The following CCDC85A variants were observed in gnomAD, a reference collection of about 807,000 sequenced individuals.
CCDC85A encodes the protein coiled-coil domain-containing protein 85A.
A neutral mutation model predicts 50.2 loss-of-function variants in CCDC85A; 38 were observed. That is an observed-to-expected ratio of 0.76 (90% confidence interval 0.58 to 0.99). The LOEUF is 0.99. Among genes scored for constraint, CCDC85A ranks in the 50% least tolerant of loss-of-function variants. The pLI, the probability that CCDC85A is intolerant of heterozygous loss-of-function variation, is 0.00. For synonymous variants in CCDC85A, 366 were observed against 301.4 expected, an observed-to-expected ratio of 1.21 and a Z score of -2.22; for missense variants, 820 against 742.0, an observed-to-expected ratio of 1.11 and a Z score of -1.22.
intron 2 of CCDC85A, among the ~76,000 whole-genome samples, chr2:56,300,413 T>G (rs1672147624): frequency 6.6e-6 from 1 of 152,200 alleles, no homozygotes; most frequent in Non-Finnish European, 1.5e-5. Flanking sequence ...TGTTGGTAAG[T>G]TGACTTAGAT....
chr2:56,232,493 G>C (rs1252014863), intron 2 of CCDC85A, among the ~76,000 whole-genome samples: 2 of 152,078 alleles, frequency 1.3e-5, no homozygotes, highest in African/African-American at 4.8e-5. Flanking sequence ...AGTTTCCTCT[G>C]TGCTGTTCTT....
At chr2:56,229,649 T>C (rs1357283986) in intron 2 of CCDC85A, among the ~76,000 whole-genome samples, 1 of 152,018 alleles carries the variant, frequency 6.6e-6, no homozygotes, top group East Asian at 1.9e-4. Flanking sequence ...TGGCCATAAT[T>C]TTTTTTTGTT....
chr2:56,233,367 G>A (rs1349780309), intron 2 of CCDC85A, among the ~76,000 whole-genome samples: 3 of 152,180 alleles, frequency 2.0e-5, no homozygotes, highest in African/African-American at 4.8e-5. Context: ...CTCATCCTTT[G>A]AAGAATAGCA....
At chr2:56,305,450 G>A (rs1189755358) in intron 2 of CCDC85A, among the ~76,000 whole-genome samples, 1 of 152,188 alleles carries the variant, frequency 6.6e-6, no homozygotes, top group East Asian at 1.9e-4. Flanking sequence ...GGCAGTCTTT[G>A]GTTCCTGTGC....
chr2:56,352,023 T>C (rs1206215889), intron 3 of CCDC85A, among the ~76,000 whole-genome samples: 1 of 152,162 alleles, frequency 6.6e-6, no homozygotes, highest in Admixed American at 6.5e-5. Context: ...TTGAATTAAT[T>C]TTTGTATAAG....
At chr2:56,321,029 A>G (rs1300762857) in intron 2 of CCDC85A, among the ~76,000 whole-genome samples, 1 of 152,178 alleles carries the variant, frequency 6.6e-6, no homozygotes, top group East Asian at 1.9e-4. Context: ...AACAGAACCA[A>G]AGACAAAAAC....
rs555626232 is a variant in CCDC85A at position 56,368,830 on chromosome 2, A to G, written c.1318-3514A>G. 7.0e-4 allele frequency among the ~76,000 whole-genome samples: 106 copies of G among 152,102 alleles called. No homozygotes were observed. The South Asian group carries it at 0.012, about 17-fold the overall frequency. On this transcript the variant is annotated intron_variant, in intron 3 of 5. Coordinates refer to ENST00000407595, the MANE Select transcript of CCDC85A (RefSeq NM_001080433.2). ...CATATATATTTTTATATATACACAT[A>G]CATATGTACATATATGTATATGTAT...
At chr2:56,299,485 C>T (rs1672105743) in intron 2 of CCDC85A, among the ~76,000 whole-genome samples, 1 of 152,116 alleles carries the variant, frequency 6.6e-6, no homozygotes, top group Non-Finnish European at 1.5e-5. Flanking sequence ...GCACTCTGTT[C>T]TGGAGCCCAG....
Position 56,193,148 on chromosome 2 carries a change from C to A in CCDC85A, c.948C>A (p.His316Gln). The change falls in exon 2 of 6, where the codon CAC becomes CAA. Residue 316 changes from histidine (H) to glutamine (Q), a missense_variant. By Grantham distance (24) the His-to-Gln change is conservative. Transcript: ENST00000407595. ...ACGTGCTGAGTGGGAGCCCGGAACA[C>A]TTCCAGAAGCACCGGTCAGGGAGCA... The part of the protein sequence containing the change: ...PKHVLSGSPE[H>Q]FQKHRSGSSP... 1 of 1,612,484 alleles carries A rather than the reference C, an allele frequency of 6.2e-7. No individual in the cohort carries two copies. Among genetic ancestry groups the A allele is most frequent in the South Asian group, 1.1e-5 (1 of 90,982 alleles).
At chr2:56,202,815 G>T (rs938114430) in intron 2 of CCDC85A, among the ~76,000 whole-genome samples, 3 of 152,170 alleles carry the variant, frequency 2.0e-5, no homozygotes, top group Non-Finnish European at 2.9e-5. Context: ...CATTAATTCA[G>T]CATCTCTTCT....
chr2:56,205,407 A>G (rs2103862419), intron 2 of CCDC85A, among the ~76,000 whole-genome samples: 1 of 144,380 alleles, frequency 6.9e-6, no homozygotes, highest in East Asian at 2.0e-4. Flanking sequence ...CTTCAGAGAA[A>G]TGGAGAAGGT....
chr2:56,201,918 C>T lies in CCDC85A; in HGVS notation c.1240+8478C>T, dbSNP rs537813173. Among the ~76,000 whole-genome samples the T allele has an allele frequency of 1.8e-4, 28 of 152,146 alleles. No individual in the cohort carries two copies. The South Asian group carries it at 5.6e-3, about 30-fold the overall frequency. On this transcript the variant is annotated intron_variant, in intron 2 of 5. Transcript: ENST00000407595. ...TGTTCTGAATGAAATGATTGACTTC[C>T]AAAGAAGGTTAGTGAATTGTCCAAG...
Position 56,319,995 on chromosome 2 carries a change from C to T in CCDC85A, c.1241-22884C>T, listed in dbSNP as rs915665082. 7.9e-5 allele frequency among the ~76,000 whole-genome samples: 12 copies of T among 152,236 alleles called. No homozygotes were observed. The South Asian group carries it at 1.7e-3, about 21-fold the overall frequency. ...CAGGATTAAGAAACTCGCTCAAAACCGCTCAACTACATGGAAACTGGGCAA... is the reference window on the plus strand; with the variant it reads ...CAGGATTAAGAAACTCGCTCAAAACTGCTCAACTACATGGAAACTGGGCAA... On this transcript the variant is annotated intron_variant, in intron 2 of 5. Coordinates refer to ENST00000407595, the MANE Select transcript of CCDC85A (RefSeq NM_001080433.2).
At chr2:56,199,250 A>G (rs1676641620) in intron 2 of CCDC85A, among the ~76,000 whole-genome samples, 1 of 152,210 alleles carries the variant, frequency 6.6e-6, no homozygotes, top group South Asian at 2.1e-4. Flanking sequence ...GAATAAATGA[A>G]TGCAATACAA....
chr2:56,294,585 C>T (rs1350143171), intron 2 of CCDC85A, among the ~76,000 whole-genome samples: 8 of 152,142 alleles, frequency 5.3e-5, no homozygotes, highest in African/African-American at 2.4e-5. Context: ...CCATCTCAAG[C>T]GTATAACTCT....
chr2:56,334,261 C>G (rs1673966897), intron 2 of CCDC85A, among the ~76,000 whole-genome samples: 1 of 152,194 alleles, frequency 6.6e-6, no homozygotes, highest in Non-Finnish European at 1.5e-5. Flanking sequence ...CTGGCTGCTA[C>G]TGTATCCCCG....
chr2:56,211,643 A>G (rs956170853), intron 2 of CCDC85A, among the ~76,000 whole-genome samples: 1 of 151,966 alleles, frequency 6.6e-6, no homozygotes, highest in Admixed American at 6.6e-5. Context: ...AGGCATCACA[A>G]TTTCCCTGGT....
chr2:56,253,699 G>A (rs1669865919), intron 2 of CCDC85A, among the ~76,000 whole-genome samples: 1 of 152,198 alleles, frequency 6.6e-6, no homozygotes, highest in Non-Finnish European at 1.5e-5. Context: ...ATAGAAGAGA[G>A]TGGATTCAAG....
intron 2 of CCDC85A, among the ~76,000 whole-genome samples, chr2:56,208,834 A>G (rs532193423): frequency 6.6e-6 from 1 of 152,090 alleles, no homozygotes; most frequent in Non-Finnish European, 1.5e-5. Context: ...AATTCTTAAC[A>G]TATCATGGTC....
Sources: gnomAD v4.1 joint callset for allele counts (sites outside exome capture counted in the v4.1 genomes callset) on GRCh38, gnomAD v4.1.1 for gene constraint, MANE v1.5 for transcripts, NCBI Gene and HGNC (gene_info 2026-07-23, HGNC 2026-07-21) for gene names.